SNX30: variants seen among roughly 807,000 people sequenced by gnomAD.
The protein encoded by SNX30 is sorting nexin-30.
SNX30 carries 24 observed loss-of-function variants against 46.4 expected under a neutral mutation model. The ratio of observed to expected loss-of-function variants is 0.52; its 90% confidence interval spans 0.37 to 0.73. The LOEUF (loss-of-function observed/expected upper bound fraction) is 0.73, where lower values mean the gene tolerates loss of function less well. SNX30 is among the 30% of genes least tolerant of loss of function. The pLI, the probability that SNX30 is intolerant of heterozygous loss-of-function variation, is 0.00. For missense variants in SNX30, 533 were observed against 555.7 expected, an observed-to-expected ratio of 0.96 and a Z score of 0.41; for synonymous variants, 189 against 211.5, an observed-to-expected ratio of 0.89 and a Z score of 0.92.
Position 112,864,327 on chromosome 9 carries a change from G to C in SNX30, c.1182G>C (p.Gln394His), listed in dbSNP as rs1177060861. 2.5e-6 allele frequency: 4 copies of C among 1,614,086 alleles called. No individual in the cohort carries two copies. Among genetic ancestry groups the C allele is most frequent in the Non-Finnish European group, 3.4e-6 (4 of 1,180,042 alleles). ...ADLKADMERW[Q>H]NNKRQDFRQL... ...TGAAAGCTGACATGGAGAGGTGGCA[G>C]AACAACAAGAGGCAGGACTTCCGGC... Residue 394 changes from glutamine (Q) to histidine (H), a missense_variant, in exon 8 of 9, where the codon CAG becomes CAC. Physicochemically the swap from Gln to His is conservative, Grantham distance 24. Transcript: ENST00000374232.
rs186170252 is a variant in SNX30, at chr9:112,824,151, G to A, written c.459+6336G>A. On this transcript the variant is annotated intron_variant, in intron 3 of 8. Coordinates refer to ENST00000374232, the MANE Select transcript of SNX30 (RefSeq NM_001012994.2). ...TGTCTAGATTTCCTACCCAGAAATA[G>A]CAGCTTTCCATTGACAGTCTACAAC... Among the ~76,000 whole-genome samples, 9 of 152,284 alleles carry A rather than the reference G, an allele frequency of 5.9e-5. No homozygotes were observed. The East Asian group carries it at 1.5e-3, about 26-fold the overall frequency.
At chr9:112,772,910 T>C (rs140234182) in intron 1 of SNX30, among the ~76,000 whole-genome samples, 49 of 152,388 alleles carry the variant, frequency 3.2e-4, no homozygotes, top group African/African-American at 1.2e-3. Flanking sequence ...TATTGATTTA[T>C]TCGTGAATCA....
At chr9:112,784,878 GA>G (rs1387450443) in intron 1 of SNX30, among the ~76,000 whole-genome samples, 1 of 152,172 alleles carries the variant, frequency 6.6e-6, no homozygotes, top group Non-Finnish European at 1.5e-5. Flanking sequence ...ACCTAAACTA[GA>G]TTCCTCAAGT....
chr9:112,856,873 C>G (rs58908475), intron 7 of SNX30: 1 of 152,630 alleles, frequency 6.6e-6, no homozygotes, highest in East Asian at 1.9e-4. Context: ...CCCCCATCCC[C>G]TCAGCTGACT....
intron 2 of SNX30, among the ~76,000 whole-genome samples, chr9:112,811,903 A>G (rs751981395): frequency 3.9e-5 from 6 of 152,220 alleles, no homozygotes; most frequent in Non-Finnish European, 8.8e-5. Flanking sequence ...CCTAAGTTAG[A>G]TCCTGAATTT....
intron 2 of SNX30, among the ~76,000 whole-genome samples, chr9:112,810,297 C>T (rs1350651912): frequency 1.3e-5 from 2 of 152,064 alleles, no homozygotes; most frequent in African/African-American, 2.4e-5. Flanking sequence ...TAGAATGTAT[C>T]GTGTCTGTCC....
intron 1 of SNX30, among the ~76,000 whole-genome samples, chr9:112,784,932 C>G (rs185045659): frequency 3.8e-4 from 58 of 152,296 alleles, no homozygotes; most frequent in African/African-American, 1.3e-3. Context: ...TAGAATAGCA[C>G]CTAGCAGTCC....
intron 8 of SNX30, chr9:112,866,624 G>A (rs1841348565): frequency 4.4e-6 from 2 of 451,622 alleles, no homozygotes; most frequent in Non-Finnish European, 9.1e-6. Context: ...GAGGAATCAG[G>A]AAGCAATTTC....
intron 4 of SNX30, among the ~76,000 whole-genome samples, chr9:112,831,532 T>A (rs1334802962): frequency 6.6e-6 from 1 of 152,216 alleles, no homozygotes; most frequent in African/African-American, 2.4e-5. Context: ...TACTTGCAGC[T>A]GCATTTTACA....
chr9:112,858,318 C>T (rs1042313805), intron 7 of SNX30, among the ~76,000 whole-genome samples: 3 of 152,104 alleles, frequency 2.0e-5, no homozygotes, highest in Non-Finnish European at 2.9e-5. Context: ...AGTTCGAGAC[C>T]AGCCTGGGCA....
intron 8 of SNX30, among the ~76,000 whole-genome samples, chr9:112,866,876 TCCTCAGAA>T: frequency 7.2e-6 from 1 of 139,774 alleles, no homozygotes. Context: ...TCCTCCCACC[TCCTCAGAA>T]CTCCTCCTCC....
rs1564285822 is a variant in SNX30 at position 112,834,871 on chromosome 9, CACACACACACA to C, written c.619-1342_619-1332del. Among the ~76,000 whole-genome samples the C allele has an allele frequency of 3.6e-4, 33 of 91,818 alleles. 1 individual carries two copies. Among genetic ancestry groups the C allele is most frequent in the South Asian group, 4.2e-4 (1 of 2,406 alleles). The allele number at this position is 91,818 out of a possible 152,430, so 60.2% of individuals were successfully genotyped here. A position where few individuals can be genotyped will look rare whatever the true frequency, so the allele number is the denominator to read the frequency against. ...ACACACACACACACACACACACACA[CACACACACACA>C]CCTACCTCAATAGGAAAGGCTGGAT... On this transcript the variant is annotated intron_variant, in intron 4 of 8. Transcript: ENST00000374232.
In SNX30 at chr9:112,751,053, C is replaced by A. The variant is rs1179153758; in HGVS notation, c.52C>A (p.Arg18Ser). Residue 18 changes from arginine (R) to serine (S), a missense_variant, in exon 1 of 9, where the codon CGC becomes AGC. By Grantham distance (110) the Arg-to-Ser change is moderately radical (BLOSUM62 -1). Coordinates refer to ENST00000374232, the MANE Select transcript of SNX30 (RefSeq NM_001012994.2). ...GCCGTCCACGGGGCCCCACTCCCTG[C>A]GCGACATGCCGCACCCGCTGGCCGG... ...ALPSTGPHSL[R>S]DMPHPLAGSS... The A allele has an allele frequency of 6.7e-7, 1 of 1,492,076 alleles. No individual in the cohort carries two copies. Among genetic ancestry groups the A allele is most frequent in the Non-Finnish European group, 8.9e-7 (1 of 1,126,980 alleles). The allele number at this position is 1,492,076 out of a possible 1,614,324, so 92.4% of individuals were successfully genotyped here.
At position 112,750,807 on chromosome 9, in the gene SNX30, G is replaced by GGGCGCGCGGCGCGGAGCGGA. The variant is rs1839256758; in HGVS notation, c.-193_-174dup. ...CGCGGCGGGCTCGGGCGCGGAGCGG[G>GGGCGCGCGGCGCGGAGCGGA]GGCGCGCGGCGCGGAGCGGAGCGTC... On this transcript the variant is annotated 5_prime_UTR_variant, in exon 1 of 9. Coordinates refer to ENST00000374232, the MANE Select transcript of SNX30 (RefSeq NM_001012994.2). 1 of 259,546 alleles carries GGGCGCGCGGCGCGGAGCGGA rather than the reference G, an allele frequency of 3.9e-6. No individual in the cohort carries two copies. Among genetic ancestry groups the GGGCGCGCGGCGCGGAGCGGA allele is most frequent in the East Asian group, 1.8e-4 (1 of 5,676 alleles). The allele number at this position is 259,546 out of a possible 1,614,324, so 16.1% of individuals were successfully genotyped here. A position where few individuals can be genotyped will look rare whatever the true frequency, so the allele number is the denominator to read the frequency against.
At chr9:112,877,293 A>G (rs1203267526), downstream of SNX30, 1 of 152,248 alleles carries the variant, frequency 6.6e-6, no homozygotes. Context: ...ACACAAGTTT[A>G]TATAGCACGG....
At chr9:112,751,187 G>C in intron 1 of SNX30, 30 bp downstream of exon 1, 1 of 1,417,356 alleles carries the variant, frequency 7.1e-7, no homozygotes, top group Non-Finnish European at 9.3e-7. Context: ...GGAGTGGGAG[G>C]CTTATTTCGC....
At chr9:112,823,211 A>G (rs1256453002) in intron 3 of SNX30, among the ~76,000 whole-genome samples, 1 of 152,220 alleles carries the variant, frequency 6.6e-6, no homozygotes, top group Non-Finnish European at 1.5e-5. Flanking sequence ...AAAACATAGT[A>G]TATACAGGGT....
At chr9:112,865,855 A>ATG (rs1445867462) in intron 8 of SNX30, among the ~76,000 whole-genome samples, 1 of 151,376 alleles carries the variant, frequency 6.6e-6, no homozygotes, top group Non-Finnish European at 1.5e-5. Context: ...TGTTACCCAG[A>ATG]GTTCCTTTCT....
At chr9:112,806,101 G>C (rs950773872) in intron 2 of SNX30, among the ~76,000 whole-genome samples, 1 of 152,066 alleles carries the variant, frequency 6.6e-6, no homozygotes, top group African/African-American at 2.4e-5. Flanking sequence ...TCTTTGCTGT[G>C]GGGGGCTGTC....
Sources: gnomAD v4.1 joint callset for allele counts (sites outside exome capture counted in the v4.1 genomes callset) on GRCh38, gnomAD v4.1.1 for gene constraint, MANE v1.5 for transcripts, NCBI Gene and HGNC (gene_info 2026-07-23, HGNC 2026-07-21) for gene names.